The following WDR72 variants were observed in gnomAD, a reference collection of about 807,000 sequenced individuals.
WDR72 encodes WD repeat domain 72.
WDR72 carries 120 observed loss-of-function variants against 124.2 expected under a neutral mutation model. That is an observed-to-expected ratio of 0.97 (90% confidence interval 0.83 to 1.12). The LOEUF (loss-of-function observed/expected upper bound fraction) is 1.12, where lower values mean the gene tolerates loss of function less well. WDR72 is among the 50% of genes most tolerant of loss of function. The probability of loss-of-function intolerance (pLI) is 0.00; values close to 1 mark genes in which losing one functional copy is unlikely to be tolerated. For missense variants in WDR72, 1,387 were observed against 1,278.8 expected (o/e 1.08, Z -1.29); for synonymous variants, 452 against 441.7 (o/e 1.02, Z -0.29).
At chr15:53,758,796 G>GGGGGA in intron 1 of WDR72, among the ~76,000 whole-genome samples, 1 of 143,544 alleles carries the variant, frequency 7.0e-6, no homozygotes. Context: ...TGCGGGCGGG[G>GGGGGA]GAAGACAAAC....
At chr15:53,652,241 G>C (rs552318208) in intron 14 of WDR72, 1 of 152,154 alleles carries the variant, frequency 6.6e-6, no homozygotes, top group Non-Finnish European at 1.5e-5. Context: ...AATCTAAATG[G>C]GGTCTTCAGA....
intron 15 of WDR72, among the ~76,000 whole-genome samples, chr15:53,614,151 C>G (rs978690326): frequency 1.3e-5 from 2 of 152,028 alleles, no homozygotes; most frequent in African/African-American, 4.8e-5. Flanking sequence ...ATCATTGGAG[C>G]CTTATGAAGG....
Position 53,616,078 on chromosome 15 carries a change from C to T in WDR72, c.2128G>A (p.Gly710Ser), listed in dbSNP as rs768332710. The T allele has an allele frequency of 1.9e-6, 3 of 1,608,278 alleles. No individual in the cohort carries two copies. The South Asian group carries it at 3.3e-5, about 18-fold the overall frequency. The part of the protein sequence containing the change: ...DVDSSSSFYG[G>S]EVLRRAKSTV... ...CTCTTGGCTCTTCTCAGGACCTCAC[C>T]ACCATAGAATGAACTGGAAGAGTCA... Residue 710 changes from glycine to serine, a missense_variant, in exon 15 of 20, where the codon GGT (glycine) becomes AGT (serine). Gly to Ser is a moderately conservative substitution (Grantham distance 56). Coordinates refer to ENST00000360509, the MANE Select transcript of WDR72 (RefSeq NM_182758.4).
At chr15:53,726,192 A>G (rs28603254) in intron 2 of WDR72, among the ~76,000 whole-genome samples, 8,919 of 126,376 alleles carry the variant, frequency 0.071, 837 homozygotes, top group African/African-American at 0.21. Flanking sequence ...ATATATATAT[A>G]TGTGTGTGTG....
At chr15:53,529,312 T>TAATA (rs1330851560) in intron 18 of WDR72, among the ~76,000 whole-genome samples, 1 of 151,808 alleles carries the variant, frequency 6.6e-6, no homozygotes, top group Non-Finnish European at 1.5e-5. Context: ...CCTCTGCTCC[T>TAATA]AATAGTGTAA....
chr15:53,760,077 A>G (rs933913440), upstream of WDR72, among the ~76,000 whole-genome samples: 1 of 148,578 alleles, frequency 6.7e-6, no homozygotes, highest in African/African-American at 2.5e-5. Context: ...TTTATGGGGT[A>G]TATGCCGTAT....
At chr15:53,716,820 T>C (rs1231673291) in intron 3 of WDR72, 135 bp from the exon 4 acceptor site, 1 of 711,126 alleles carries the variant, frequency 1.4e-6, no homozygotes, top group African/African-American at 1.8e-5. Context: ...GGCAAGAAAA[T>C]GTTGTGGTCA....
Position 53,687,604 on chromosome 15 carries a change from T to A in WDR72, c.1765+12146A>T, listed in dbSNP as rs1347010504. On this transcript the variant is annotated intron_variant, in intron 13 of 19. Coordinates refer to ENST00000360509, the MANE Select transcript of WDR72 (RefSeq NM_182758.4). Reference sequence around the variant, plus strand: ...CAACCAAAAAGAGTCCAGGACCAGATGGATTCACAGCCGAATTCTACCAGA... The same window carrying A: ...CAACCAAAAAGAGTCCAGGACCAGAAGGATTCACAGCCGAATTCTACCAGA... Among the ~76,000 whole-genome samples the A allele has an allele frequency of 7.3e-3, 1,052 of 143,516 alleles. 2 individuals carry two copies. The highest frequency in any genetic ancestry group is 0.023 in the East Asian group (104 of 4,526). 94.2% of individuals were successfully genotyped at this position (143,516 alleles called of 152,430 possible).
intron 13 of WDR72, among the ~76,000 whole-genome samples, chr15:53,679,709 A>G (rs1052219647): frequency 4.6e-5 from 7 of 152,228 alleles, no homozygotes; most frequent in African/African-American, 1.7e-4. Flanking sequence ...GGAGGCAAAG[A>G]TATAGAGTGG....
In WDR72 at chr15:53,637,364, T is replaced by C. The variant is rs144169478; in HGVS notation, c.1963-21121A>G. Reference sequence around the variant, plus strand: ...TCTGAGTCTGGGGACCTTTTATCATTTAATGTGGCTTTCCCCAGAACATTT... The same window carrying C: ...TCTGAGTCTGGGGACCTTTTATCATCTAATGTGGCTTTCCCCAGAACATTT... On this transcript the variant is annotated intron_variant, in intron 14 of 19. Coordinates refer to ENST00000360509, the MANE Select transcript of WDR72 (RefSeq NM_182758.4). 9.4e-4 allele frequency among the ~76,000 whole-genome samples: 143 copies of C among 152,276 alleles called. 4 individuals carry two copies. In the East Asian group the frequency reaches 0.025, roughly 27 times the overall value.
chr15:53,734,546 A>G (rs992359983), intron 1 of WDR72, among the ~76,000 whole-genome samples: 1 of 152,182 alleles, frequency 6.6e-6, no homozygotes, highest in Non-Finnish European at 1.5e-5. Context: ...AAGCTTATCA[A>G]TAAGTCTGGA....
At chr15:53,753,046 C>A (rs117143973) in intron 1 of WDR72, among the ~76,000 whole-genome samples, 45 of 152,246 alleles carry the variant, frequency 3.0e-4, no homozygotes, top group East Asian at 1.4e-3. Flanking sequence ...ATTTCCGAGG[C>A]ACAACAGCAA....
chr15:53,756,256 C>A (rs1475666991), intron 1 of WDR72, among the ~76,000 whole-genome samples: 1 of 152,146 alleles, frequency 6.6e-6, no homozygotes, highest in Non-Finnish European at 1.5e-5. Flanking sequence ...AGGGGCTTCC[C>A]CCTTTGCTCC....
intron 18 of WDR72, among the ~76,000 whole-genome samples, chr15:53,534,865 A>C (rs1429396381): frequency 6.6e-6 from 1 of 152,130 alleles, no homozygotes; most frequent in African/African-American, 2.4e-5. Flanking sequence ...GTTTCTTCTT[A>C]TGAAAGGTAA....
chr15:53,706,047 A>C lies in WDR72; in HGVS notation c.982T>G (p.Tyr328Asp). ...KEQSRPFVMG[Y>D]MNERKEPFYK... ...AAAGGCTCTTTCCTTTCATTCATGT[A>C]GCCCATAACAAAGGGACGGCTCTGT... Residue 328 changes from tyrosine to aspartate, a missense_variant, in exon 10 of 20, where the codon TAC (tyrosine) becomes GAC (aspartate). Physicochemically the swap from Tyr to Asp is radical, Grantham distance 160. Transcript: ENST00000360509. The C allele has an allele frequency of 6.2e-7, 1 of 1,614,132 alleles. No homozygotes were observed.
intron 14 of WDR72, among the ~76,000 whole-genome samples, chr15:53,644,221 A>T (rs10518731): frequency 0.24 from 36,904 of 151,912 alleles, 4,886 homozygotes; most frequent in East Asian, 0.46. Context: ...ATACGACCGG[A>T]AATGTGAAAT....
At chr15:53,716,525 T>A in intron 4 of WDR72, 82 bp downstream of exon 4, 1 of 908,102 alleles carries the variant, frequency 1.1e-6, no homozygotes, top group South Asian at 1.3e-5. Context: ...TCTCCAAAGA[T>A]GTTTCTTTAG....
intron 14 of WDR72, among the ~76,000 whole-genome samples, chr15:53,662,189 G>C (rs1253362810): frequency 6.6e-6 from 1 of 152,108 alleles, no homozygotes; most frequent in East Asian, 1.9e-4. Flanking sequence ...AAGAAAAGCA[G>C]TTCCCCATCA....
chr15:53,612,341 A>G (rs923556193), intron 16 of WDR72, among the ~76,000 whole-genome samples: 28 of 152,130 alleles, frequency 1.8e-4, no homozygotes, highest in African/African-American at 6.8e-4. Flanking sequence ...TTTTAAAGTA[A>G]CAGATGTCAG....
Sources: gnomAD v4.1 joint callset for allele counts (sites outside exome capture counted in the v4.1 genomes callset) on GRCh38, gnomAD v4.1.1 for gene constraint, MANE v1.5 for transcripts, NCBI Gene and HGNC (gene_info 2026-07-23, HGNC 2026-07-21) for gene names.